The following PSMA3 variants were observed in gnomAD, a reference collection of about 807,000 sequenced individuals.
PSMA3 encodes proteasome subunit alpha type-3.
PSMA3 carries 8 observed loss-of-function variants against 40.0 expected under a neutral mutation model. The ratio of observed to expected loss-of-function variants is 0.20; its 90% CI spans 0.12 to 0.36. PSMA3 has a LOEUF of 0.36. Among genes scored for constraint, PSMA3 ranks in the 10% least tolerant of loss-of-function variants. The pLI is 1.00. For synonymous variants in PSMA3, 110 were observed against 100.0 expected (o/e 1.10, Z -0.59); for missense variants, 219 against 310.6 (o/e 0.70, Z 2.22).
chr14:58,257,454 T>C (rs986094513), intron 3 of PSMA3, among the ~76,000 whole-genome samples: 10 of 151,426 alleles, frequency 6.6e-5, no homozygotes, highest in African/African-American at 2.4e-4. Flanking sequence ...GCGGAGATCA[T>C]GCCACTGTAC....
In PSMA3 at chr14:58,257,960, A is replaced by C. The variant is rs758758095; in HGVS notation, c.366A>C (p.Ala122=). ...ACAGAGTGGCCATGTATGTGCATGC[A>C]TATACACTCTACAGTGCTGTTAGAC... is the stretch of plus-strand genomic sequence containing the variant. ...LADRVAMYVH[A]YTLYSAVRPF... is the part of the protein sequence containing the mutation. Residue 122 remains alanine, a synonymous_variant, in exon 5 of 11, where the codon GCA becomes GCC. Coordinates refer to ENST00000216455, the MANE Select transcript of PSMA3 (RefSeq NM_002788.4). 5 of 1,614,158 alleles carry C rather than the reference A, an allele frequency of 3.1e-6. No individual in the cohort carries two copies. The South Asian group carries it at 5.5e-5, about 18-fold the overall frequency.
At chr14:58,245,039 T>C (rs1381151013) in intron 1 of PSMA3, 98 bp downstream of exon 1, 46 of 1,523,596 alleles carry the variant, frequency 3.0e-5, no homozygotes, top group Non-Finnish European at 4.0e-5. Context: ...CGGGGTGCTC[T>C]GAGACCGCCT....
intron 2 of PSMA3, among the ~76,000 whole-genome samples, chr14:58,250,380 G>T (rs561983632): frequency 1.3e-5 from 2 of 152,222 alleles, no homozygotes; most frequent in Admixed American, 6.5e-5. Flanking sequence ...ACCTTTTGGG[G>T]AAATTCATTT....
At chr14:58,266,488 A>C (rs1318782073) in intron 7 of PSMA3, 1 of 152,246 alleles carries the variant, frequency 6.6e-6, no homozygotes, top group Non-Finnish European at 1.5e-5. Context: ...CACGTCTAAT[A>C]ACAAAATCTT....
chr14:58,263,330 G>A (rs923379928), intron 6 of PSMA3, among the ~76,000 whole-genome samples: 1 of 151,930 alleles, frequency 6.6e-6, no homozygotes, highest in Non-Finnish European at 1.5e-5. Flanking sequence ...TAAAATTGGG[G>A]GTTTAGAGTA....
At chr14:58,252,958 GAAGGTTA>G (rs1890046752) in intron 3 of PSMA3, among the ~76,000 whole-genome samples, 1 of 151,388 alleles carries the variant, frequency 6.6e-6, no homozygotes, top group Non-Finnish European at 1.5e-5. Flanking sequence ...ACAACCCAGT[GAAGGTTA>G]TATCAATGTC....
At position 58,247,730 on chromosome 14, in the gene PSMA3, G is replaced by A; in HGVS notation, c.22-20G>A. 1 of 1,513,436 alleles carries A rather than the reference G, an allele frequency of 6.6e-7. No homozygotes were observed. Among genetic ancestry groups the A allele is most frequent in the Admixed American group, 1.8e-5 (1 of 54,626 alleles). The allele number at this position is 1,513,436 out of a possible 1,614,324, so 93.8% of individuals were successfully genotyped here. ...TTACTGCCAAAGATACAAGCTTACT[G>A]TTGCCCTTTTCTCCTTAAGTATGAC... is the stretch of plus-strand genomic sequence containing the variant. On this transcript the variant is annotated intron_variant, in intron 1 of 10. Coordinates refer to ENST00000216455, the MANE Select transcript of PSMA3 (RefSeq NM_002788.4).
intron 3 of PSMA3, among the ~76,000 whole-genome samples, chr14:58,256,607 T>TA (rs1890150691): frequency 1.3e-5 from 2 of 151,324 alleles, no homozygotes; most frequent in South Asian, 4.2e-4. Flanking sequence ...AGAGACGGCA[T>TA]TTCACCATCT....
At chr14:58,265,380 C>A (rs1193232617) in intron 7 of PSMA3, 1 of 152,088 alleles carries the variant, frequency 6.6e-6, no homozygotes, top group East Asian at 1.9e-4. Flanking sequence ...AAAAAAAAAT[C>A]ACTTTAATTG....
chr14:58,245,009 C>G, intron 1 of PSMA3, 68 bp downstream of exon 1: 1 of 1,607,484 alleles, frequency 6.2e-7, no homozygotes, highest in Non-Finnish European at 8.5e-7. Flanking sequence ...CTCGGACAGA[C>G]CACATGGGGT....
rs1045957872 is a variant in PSMA3 at position 58,271,843 on chromosome 14, CTT to C, written c.724-7_724-6del. On this transcript the variant is annotated splice_region_variant and splice_polypyrimidine_tract_variant and intron_variant, in intron 10 of 10. Transcript: ENST00000216455. ...AATCAATTTTAAACACCTGTTTTCT[CTT>C]AACAGGAATCTCTGAAGGAAGAAGA... 1 of 1,593,484 alleles carries C rather than the reference CTT, an allele frequency of 6.3e-7. No homozygotes were observed. Among genetic ancestry groups the C allele is most frequent in the South Asian group, 1.1e-5 (1 of 90,320 alleles).
intron 2 of PSMA3, among the ~76,000 whole-genome samples, chr14:58,249,514 A>C (rs1258926588): frequency 1.3e-5 from 2 of 151,108 alleles, no homozygotes; most frequent in African/African-American, 2.5e-5. Flanking sequence ...TTTAAAAAAA[A>C]CTTTTTTTGG....
chr14:58,260,279 C>T (rs1370725943), intron 5 of PSMA3, among the ~76,000 whole-genome samples: 1 of 152,152 alleles, frequency 6.6e-6, no homozygotes, highest in Non-Finnish European at 1.5e-5. Context: ...ATACCTAACA[C>T]AGTGTAAATA....
chr14:58,258,404 C>T (rs992891040), intron 5 of PSMA3: 6 of 130,766 alleles, frequency 4.6e-5, no homozygotes, highest in African/African-American at 1.8e-4. Context: ...TACCACTGTA[C>T]TCTAGCTGGC....
chr14:58,253,464 C>CGT (rs1469189123), intron 3 of PSMA3, among the ~76,000 whole-genome samples: 1 of 152,188 alleles, frequency 6.6e-6, no homozygotes, highest in African/African-American at 2.4e-5. Context: ...ATGTTACACA[C>CGT]AAACACAAAA....
chr14:58,268,265 G>GT (rs1270114070), intron 8 of PSMA3: 2 of 152,064 alleles, frequency 1.3e-5, no homozygotes, highest in Non-Finnish European at 1.5e-5. Context: ...ATGGATAATC[G>GT]TAATTCATAA....
At chr14:58,256,571 G>A (rs1289247816) in intron 3 of PSMA3, among the ~76,000 whole-genome samples, 3 of 151,742 alleles carry the variant, frequency 2.0e-5, no homozygotes, top group Admixed American at 6.6e-5. Context: ...CTGCAACCAC[G>A]CCTGGCTAAT....
chr14:58,248,194 A>G (rs142718594), intron 2 of PSMA3, among the ~76,000 whole-genome samples: 1 of 152,224 alleles, frequency 6.6e-6, no homozygotes, highest in East Asian at 1.9e-4. Flanking sequence ...GTCTTATGCA[A>G]TTAGTCACAT....
Position 58,258,217 on chromosome 14 carries a change from C to T in PSMA3, c.404+219C>T, listed in dbSNP as rs1199144279. 1.3e-5 allele frequency: 6 copies of T among 463,314 alleles called. No individual in the cohort carries two copies. The East Asian group carries it at 1.9e-4, about 15-fold the overall frequency. 28.7% of individuals were successfully genotyped at this position (463,314 alleles called of 1,614,324 possible). A position where few individuals can be genotyped will look rare whatever the true frequency, so the allele number is the denominator to read the frequency against. ...CTTTGGGAGGTTGAGGTGGGAGGAT[C>T]CCTCGCGCCCAGGAGTATGAGACCA... On this transcript the variant is annotated intron_variant, in intron 5 of 10. Transcript: ENST00000216455.
Sources: allele counts gnomAD v4.1 joint callset (sites outside exome capture counted in the v4.1 genomes callset), GRCh38; gene constraint gnomAD v4.1.1; transcripts MANE v1.5; gene names NCBI Gene and HGNC (gene_info 2026-07-23, HGNC 2026-07-21).